The following OARD1 variants were observed in gnomAD, a reference collection of about 807,000 sequenced individuals.
OARD1 encodes the protein O-acyl-ADP-ribose deacylase 1.
Under a neutral mutation model 19.7 loss-of-function variants are expected in OARD1, and 19 were observed. The observed-to-expected ratio is 0.96, with a 90% CI of 0.67 to 1.41. The LOEUF (loss-of-function observed/expected upper bound fraction) is 1.41, where lower values mean the gene tolerates loss of function less well. Among genes scored for constraint, OARD1 ranks in the 40% most tolerant of loss-of-function variants. OARD1 has a pLI of 0.00. For missense variants in OARD1, 190 were observed against 183.8 expected (o/e 1.03, Z -0.20); for synonymous variants, 70 against 61.8 (o/e 1.13, Z -0.62).
intron 1 of OARD1, 159 bp from the exon 2 acceptor site, chr6:41,071,834 C>T (rs1444754128): frequency 1.8e-6 from 1 of 553,722 alleles, no homozygotes; most frequent in Non-Finnish European, 3.2e-6. Context: ...CCTTCTGGGG[C>T]AAAGAGGAAG....
At chr6:41,079,044 C>T in intron 1 of OARD1, 1 of 1,580,630 alleles carries the variant, frequency 6.3e-7, no homozygotes, top group Non-Finnish European at 8.7e-7. Flanking sequence ...TACCTCACAG[C>T]CTTCTAGGAT....
chr6:41,088,877 G>A (rs1764119102), intron 1 of OARD1, among the ~76,000 whole-genome samples: 1 of 152,018 alleles, frequency 6.6e-6, no homozygotes, highest in African/African-American at 2.4e-5. Flanking sequence ...CATTGTACCC[G>A]GCTTTCAGCA....
intron 2 of OARD1, 135 bp downstream of exon 2, chr6:41,071,461 T>G: frequency 9.9e-7 from 1 of 1,009,186 alleles, no homozygotes. Context: ...CCTAGAATTT[T>G]GAGCCTTTTT....
At chr6:41,082,722 G>C (rs773508495) in intron 1 of OARD1, among the ~76,000 whole-genome samples, 1 of 152,210 alleles carries the variant, frequency 6.6e-6, no homozygotes, top group Non-Finnish European at 1.5e-5. Flanking sequence ...TATGTATTCT[G>C]AGAAATCTTT....
chr6:41,088,250 C>G (rs1764098486), intron 1 of OARD1, among the ~76,000 whole-genome samples: 1 of 151,454 alleles, frequency 6.6e-6, no homozygotes, highest in Non-Finnish European at 1.5e-5. Context: ...AACCCCGTCT[C>G]TACTAAAAAG....
At chr6:41,092,309 T>C (rs1764216809) in intron 1 of OARD1, among the ~76,000 whole-genome samples, 1 of 152,208 alleles carries the variant, frequency 6.6e-6, no homozygotes, top group Non-Finnish European at 1.5e-5. Context: ...GGAGGATGGC[T>C]TAAGTCCAGG....
intron 1 of OARD1, chr6:41,090,142 A>T (rs1764161593): frequency 1.8e-6 from 2 of 1,131,746 alleles, no homozygotes; most frequent in Non-Finnish European, 2.7e-6. Flanking sequence ...TTTAAGGACT[A>T]CATCGTTCTT....
rs1360485729 is a variant in OARD1 at position 41,065,435 on chromosome 6, A to C, written c.*1900T>G. 6.6e-6 allele frequency: 1 copy of C among 152,222 alleles called. No homozygotes were observed. The highest frequency in any genetic ancestry group is 1.9e-4 in the East Asian group (1 of 5,198). The allele number at this position is 152,222 out of a possible 1,614,324, so 9.4% of individuals were successfully genotyped here. A position where few individuals can be genotyped will look rare whatever the true frequency, so the allele number is the denominator to read the frequency against. On this transcript the variant is annotated 3_prime_UTR_variant, in exon 6 of 6. Transcript: ENST00000424266. Reference sequence around the variant, plus strand: ...CAGACATAGACCTAAGTTGAGGAGCATCTGTAATTGCAGAGTTAAGCAAAA... The same window carrying C: ...CAGACATAGACCTAAGTTGAGGAGCCTCTGTAATTGCAGAGTTAAGCAAAA...
intron 1 of OARD1, chr6:41,091,544 A>G: frequency 1.2e-6 from 2 of 1,613,518 alleles, no homozygotes; most frequent in Non-Finnish European, 1.7e-6. Flanking sequence ...TCCCTGTTTC[A>G]GGCATGATCA....
intron 1 of OARD1, chr6:41,092,843 G>C (rs1413485614): frequency 1.3e-6 from 2 of 1,496,042 alleles, no homozygotes; most frequent in African/African-American, 1.4e-5. Flanking sequence ...TGGATGAAGA[G>C]GAACCAAGAA....
intron 1 of OARD1, among the ~76,000 whole-genome samples, chr6:41,082,792 A>G (rs1045408344): frequency 2.0e-5 from 3 of 152,216 alleles, no homozygotes; most frequent in African/African-American, 7.2e-5. Flanking sequence ...GGAATGGGGA[A>G]ATAAGGGAAA....
At chr6:41,073,439 G>C (rs1213229945), upstream of OARD1, among the ~76,000 whole-genome samples, 2 of 152,020 alleles carry the variant, frequency 1.3e-5, no homozygotes, top group African/African-American at 4.8e-5. Flanking sequence ...CCCTACACTA[G>C]GGGACACATG....
chr6:41,090,396 G>T, intron 1 of OARD1: 1 of 690,972 alleles, frequency 1.4e-6, no homozygotes, highest in Non-Finnish European at 2.6e-6. Context: ...TTTGAGTGGT[G>T]AACTTGACAC....
At position 41,068,892 on chromosome 6, in the gene OARD1, G is replaced by A. The variant is rs564946708; in HGVS notation, c.305C>T (p.Ala102Val). 8.7e-6 allele frequency: 14 copies of A among 1,610,078 alleles called. No individual in the cohort carries two copies. The South Asian group carries it at 1.2e-4, about 14-fold the overall frequency. The stretch of plus-strand genomic sequence containing the variant: ...ATTCTTCAGACAATGAGACTTCATT[G>A]CCTCTAAACTCTTCTGTAAGTTTTC... ...TYENLQKSLE[A>V]MKSHCLKNGV... The change falls in exon 5 of 6, where the codon GCA (alanine) becomes GTA (valine). Residue 102 changes from alanine (A) to valine (V), a missense_variant. Ala to Val is a moderately conservative substitution (Grantham distance 64). Coordinates refer to ENST00000424266, the MANE Select transcript of OARD1 (RefSeq NM_001329686.2).
At chr6:41,088,563 G>A (rs1160637873) in intron 1 of OARD1, among the ~76,000 whole-genome samples, 5 of 152,044 alleles carry the variant, frequency 3.3e-5, no homozygotes, top group Admixed American at 2.0e-4. Context: ...TTTGACTAGA[G>A]TAGAATACAT....
intron 1 of OARD1, chr6:41,080,980 A>C: frequency 9.0e-7 from 1 of 1,117,116 alleles, no homozygotes; most frequent in Non-Finnish European, 1.3e-6. Context: ...TAGGATCTCC[A>C]GTAGGAATGG....
chr6:41,086,252 G>C (rs528489695), intron 1 of OARD1, among the ~76,000 whole-genome samples: 1 of 152,108 alleles, frequency 6.6e-6, no homozygotes, highest in South Asian at 2.1e-4. Flanking sequence ...TTCTGATCTT[G>C]GCCAAGTTAT....
intron 1 of OARD1, chr6:41,094,535 C>A (rs1561856797): frequency 6.5e-7 from 1 of 1,531,882 alleles, no homozygotes; most frequent in Non-Finnish European, 9.0e-7. Flanking sequence ...CTCTTTATTA[C>A]CTTGTATTGA....
chr6:41,079,043 G>A, intron 1 of OARD1: 1 of 1,581,152 alleles, frequency 6.3e-7, no homozygotes, highest in Non-Finnish European at 8.7e-7. Flanking sequence ...GTACCTCACA[G>A]CCTTCTAGGA....
Sources: gnomAD v4.1 joint callset for allele counts (sites outside exome capture counted in the v4.1 genomes callset) on GRCh38, gnomAD v4.1.1 for gene constraint, MANE v1.5 for transcripts, NCBI Gene and HGNC (gene_info 2026-07-23, HGNC 2026-07-21) for gene names.